Variants in MAGEC3 observed in about 807,000 individuals in gnomAD.
The protein encoded by MAGEC3 is MAGE family member C3, also known as melanoma-associated antigen C3.
MAGEC3 carries 34 observed loss-of-function variants against 35.3 expected under a neutral mutation model. That is an observed-to-expected ratio of 0.96 (90% confidence interval 0.73 to 1.28). The LOEUF is 1.28. Among genes scored for constraint, MAGEC3 ranks in the 50% most tolerant of loss-of-function variants. MAGEC3 has a pLI of 0.00. For missense variants in MAGEC3, 561 were observed against 483.6 expected, an observed-to-expected ratio of 1.16 and a Z score of -1.50; for synonymous variants, 202 against 185.6, an observed-to-expected ratio of 1.09 and a Z score of -0.72.
chrX:141,878,581 A>T (rs943027966), intron 2 of MAGEC3, among the ~76,000 whole-genome samples: 2 of 111,686 alleles, frequency 1.8e-5, no homozygotes, highest in African/African-American at 6.5e-5. Flanking sequence ...TAGAAAGAGG[A>T]GAAGGCTCTG....
rs747370256 is a variant in MAGEC3, at chrX:141,881,364, T to C, written c.516-39T>C. 4 of 1,166,812 alleles carry C rather than the reference T, an allele frequency of 3.4e-6. No individual in the cohort carries two copies. The East Asian group carries it at 8.9e-5, about 26-fold the overall frequency. On this transcript the variant is annotated intron_variant, in intron 3 of 7. Coordinates refer to ENST00000298296, the MANE Select transcript of MAGEC3 (RefSeq NM_138702.1). The stretch of plus-strand genomic sequence containing the variant: ...TATGAAGCCCATTCAATGAAGAGCC[T>C]AGCAGCCAATAAGATGAAGATACAA...
At chrX:141,880,674 C>A in intron 3 of MAGEC3, 1 of 443,357 alleles carries the variant, frequency 2.3e-6, no homozygotes, top group East Asian at 4.9e-5. Context: ...CAGCACCTGG[C>A]CATAGCCACC....
chrX:141,861,538 A>G lies in MAGEC3; in HGVS notation c.124-3933A>G, dbSNP rs544063330. ...ACACTACCTGACTTCAAAATATTGTATAAGCTATAGTAACCAAAACAGCAT... is the reference window on the plus strand; with the variant it reads ...ACACTACCTGACTTCAAAATATTGTGTAAGCTATAGTAACCAAAACAGCAT... On this transcript the variant is annotated intron_variant, in intron 1 of 7. Coordinates refer to ENST00000298296, the MANE Select transcript of MAGEC3 (RefSeq NM_138702.1). Among the ~76,000 whole-genome samples the G allele has an allele frequency of 3.0e-4, 34 of 112,088 alleles. 2 individuals are homozygous for G. In the South Asian group the frequency reaches 0.012, roughly 39 times the overall value.
intron 1 of MAGEC3, among the ~76,000 whole-genome samples, chrX:141,858,599 C>A (rs984247851): frequency 1.6e-4 from 18 of 110,746 alleles, no homozygotes; most frequent in African/African-American, 5.6e-4. Context: ...TAAAATTCTT[C>A]TTTATGTTGT....
intron 4 of MAGEC3, among the ~76,000 whole-genome samples, chrX:141,892,756 G>A (rs73238539): frequency 0.057 from 6,336 of 111,448 alleles, 210 homozygotes; most frequent in Non-Finnish European, 0.091. Context: ...AAACTTATGG[G>A]TGCAAACCCT....
intron 4 of MAGEC3, among the ~76,000 whole-genome samples, chrX:141,893,724 G>C (rs1384975698): frequency 9.6e-6 from 1 of 103,837 alleles, no homozygotes; most frequent in African/African-American, 3.5e-5. Context: ...TGGGGGGGGG[G>C]GCGTAGATAT....
chrX:141,865,505 C>A lies in MAGEC3; in HGVS notation c.158C>A (p.Ala53Asp). The part of the protein sequence containing the change: ...RKKATDKDYS[A>D]FHLGHLREVR... ...AAGGCCACAGATAAGGACTATTCTG[C>A]CTTTCATCTTGGGCATCTGAGGGAG... The change falls in exon 2 of 8, where the codon GCC (alanine) becomes GAC (aspartate). Residue 53 changes from alanine to aspartate, a missense_variant. Physicochemically the swap from Ala to Asp is moderately radical, Grantham distance 126 (BLOSUM62 -2). Transcript: ENST00000298296. 1 of 1,210,780 alleles carries A rather than the reference C, an allele frequency of 8.3e-7. No individual in the cohort carries two copies. The highest frequency in any genetic ancestry group is 1.1e-6 in the Non-Finnish European group (1 of 895,075).
rs770758894 is a variant in MAGEC3 at position 141,854,902 on chromosome X, T to C, written c.124-10569T>C. On this transcript the variant is annotated intron_variant, in intron 1 of 7. Coordinates refer to ENST00000298296, the MANE Select transcript of MAGEC3 (RefSeq NM_138702.1). ...GGCAAGGGTGAGATCACACAGATAGTGTTAATAACTTTAAAAATATGTTAT... is the reference window on the plus strand; with the variant it reads ...GGCAAGGGTGAGATCACACAGATAGCGTTAATAACTTTAAAAATATGTTAT... Among the ~76,000 whole-genome samples the C allele has an allele frequency of 5.4e-5, 6 of 111,919 alleles. No individual in the cohort carries two copies. The East Asian group carries it at 1.7e-3, about 32-fold the overall frequency.
rs111966790 is a variant in MAGEC3, at chrX:141,879,791, A to G, written c.515+360A>G. Among the ~76,000 whole-genome samples the G allele has an allele frequency of 6.2e-3, 685 of 111,303 alleles. 6 individuals are homozygous for G. Among genetic ancestry groups the G allele is most frequent in the African/African-American group, 0.02 (612 of 30,588 alleles). On this transcript the variant is annotated intron_variant, in intron 3 of 7. Transcript: ENST00000298296. ...AGGGAGAACTGAGGGACCTCCCACC[A>G]CAGAAAGAAGAAGCTCTTGCCTGCC...
intron 2 of MAGEC3, among the ~76,000 whole-genome samples, chrX:141,877,816 G>T (rs775910640): frequency 8.9e-6 from 1 of 111,846 alleles, no homozygotes; most frequent in Non-Finnish European, 1.9e-5. Context: ...AGATTTACAA[G>T]AAAATTATAA....
At position 141,895,331 on chromosome X, in the gene MAGEC3, A is replaced by G. The variant is rs763426789; in HGVS notation, c.972A>G (p.Glu324=). 4 of 1,210,867 alleles carry G rather than the reference A, an allele frequency of 3.3e-6. No homozygotes were observed. The South Asian group carries it at 7.0e-5, about 21-fold the overall frequency. Residue 324 remains glutamate (E), a synonymous_variant, in exon 5 of 8, where the codon GAA becomes GAG. Transcript: ENST00000298296. Reference sequence around the variant, plus strand: ...CCCGACTTGCACTGTGGGAGTCTGAAGGACCTGAAGCATTTTGCGAGGAGT... The same window carrying G: ...CCCGACTTGCACTGTGGGAGTCTGAGGGACCTGAAGCATTTTGCGAGGAGT... ...VLSRLALWES[E]GPEAFCEESG...
chrX:141,860,238 G>T (rs1263242585), intron 1 of MAGEC3, among the ~76,000 whole-genome samples: 1 of 111,816 alleles, frequency 8.9e-6, no homozygotes, highest in Non-Finnish European at 1.9e-5. Context: ...CCAAAGGCAA[G>T]CCAATCCAGT....
Position 141,897,370 on chromosome X carries a change from A to C in MAGEC3, c.1612A>C (p.Ile538Leu). ...AGACCTCACCTATGAGGGAAGCCTGATTGATGACCAGGGCATGCCCAAGAA... is the reference window on the plus strand; with the variant it reads ...AGACCTCACCTATGAGGGAAGCCTGCTTGATGACCAGGGCATGCCCAAGAA... Reference protein sequence around the residue: ...TLDLTYEGSLIDDQGMPKNCL... With the variant: ...TLDLTYEGSLLDDQGMPKNCL... The change falls in exon 7 of 8, where the codon ATT (isoleucine) becomes CTT (leucine). Residue 538 changes from isoleucine to leucine, a missense_variant. By Grantham distance (5) the Ile-to-Leu change is conservative. Coordinates refer to ENST00000298296, the MANE Select transcript of MAGEC3 (RefSeq NM_138702.1). The C allele has an allele frequency of 8.3e-7, 1 of 1,211,959 alleles. No homozygotes were observed. Among genetic ancestry groups the C allele is most frequent in the Non-Finnish European group, 1.1e-6 (1 of 895,592 alleles).
At chrX:141,852,344 G>A (rs1400377745) in intron 1 of MAGEC3, among the ~76,000 whole-genome samples, 1 of 110,091 alleles carries the variant, frequency 9.1e-6, no homozygotes, top group African/African-American at 3.3e-5. Flanking sequence ...GTGTGTATGT[G>A]CGGATCCTTT....
chrX:141,842,971 A>C (rs1471925547), intron 1 of MAGEC3, among the ~76,000 whole-genome samples: 1 of 112,439 alleles, frequency 8.9e-6, no homozygotes, highest in African/African-American at 3.2e-5. Context: ...TTTGTTTGAC[A>C]CACACATTGT....
At chrX:141,877,690 A>G (rs898112783) in intron 2 of MAGEC3, among the ~76,000 whole-genome samples, 7 of 112,038 alleles carry the variant, frequency 6.2e-5, no homozygotes, top group Admixed American at 3.8e-4. Flanking sequence ...AGTTCAAACT[A>G]GAGGCTTCCA....
chrX:141,843,639 A>G (rs2017699141), intron 1 of MAGEC3, among the ~76,000 whole-genome samples: 1 of 110,904 alleles, frequency 9.0e-6, no homozygotes, highest in Non-Finnish European at 1.9e-5. Context: ...CTCTTAAGAA[A>G]TTGAATGACT....
At chrX:141,840,791 A>AC (rs2039575478) in intron 1 of MAGEC3, among the ~76,000 whole-genome samples, 1 of 109,532 alleles carries the variant, frequency 9.1e-6, no homozygotes, top group South Asian at 3.8e-4. Flanking sequence ...AAAAAAAAAA[A>AC]CCCCACAAGA....
At chrX:141,885,191 C>T (rs999159317) in intron 4 of MAGEC3, among the ~76,000 whole-genome samples, 1 of 111,257 alleles carries the variant, frequency 9.0e-6, no homozygotes, top group African/African-American at 3.3e-5. Flanking sequence ...GCATTACACT[C>T]GAAAAGAACT....
Sources: allele counts gnomAD v4.1 joint callset (sites outside exome capture counted in the v4.1 genomes callset), GRCh38; gene constraint gnomAD v4.1.1; transcripts MANE v1.5; gene names NCBI Gene and HGNC (gene_info 2026-07-23, HGNC 2026-07-21).